REPS1: variants seen among roughly 807,000 people sequenced by gnomAD.
The protein encoded by REPS1 is RALBP1 associated Eps domain containing 1, also known as ralBP1-associated Eps domain-containing protein 1.
REPS1 carries 39 observed loss-of-function variants against 100.9 expected under a neutral mutation model. The observed-to-expected ratio is 0.39, with a 90% CI of 0.30 to 0.50. The LOEUF is 0.50. Ranked by LOEUF, REPS1 falls within the 20% of genes least tolerant of loss-of-function variation. The pLI is 0.86. For missense variants in REPS1, 821 were observed against 968.5 expected (o/e 0.85, Z 2.02); for synonymous variants, 324 against 340.3 (o/e 0.95, Z 0.53).
At chr6:138,914,831 A>C (rs1780246625) in intron 14 of REPS1, 70 bp from the exon 15 acceptor site, 1 of 1,243,144 alleles carries the variant, frequency 8.0e-7, no homozygotes, top group Non-Finnish European at 1.2e-6. Context: ...AAATAGGCTG[A>C]ATGAATGTGA....
At chr6:138,933,225 G>C (rs1781591679) in intron 8 of REPS1, among the ~76,000 whole-genome samples, 1 of 152,160 alleles carries the variant, frequency 6.6e-6, no homozygotes, top group African/African-American at 2.4e-5. Flanking sequence ...TATTGTGTGA[G>C]GCTAGATTTA....
chr6:138,957,641 G>T (rs898106360), intron 1 of REPS1, among the ~76,000 whole-genome samples: 1 of 152,128 alleles, frequency 6.6e-6, no homozygotes, highest in Non-Finnish European at 1.5e-5. Flanking sequence ...GGCCTACAGA[G>T]CAACCACTCC....
intron 1 of REPS1, among the ~76,000 whole-genome samples, chr6:138,953,165 T>A (rs530317653): frequency 5.2e-4 from 79 of 152,220 alleles, no homozygotes; most frequent in African/African-American, 1.8e-3. Context: ...ATTAGATGCC[T>A]ACCTCTCACC....
At chr6:138,969,859 A>ATTTTTTTTTTTTTTTTTT (rs56070030) in intron 1 of REPS1, among the ~76,000 whole-genome samples, 1 of 94,636 alleles carries the variant, frequency 1.1e-5, no homozygotes, top group Non-Finnish European at 1.9e-5. Context: ...GTGAATTGGG[A>ATTTTTTTTTTTTTTTTTT]TTTTTTTTTT....
chr6:138,937,968 A>G (rs1217028305), intron 8 of REPS1, among the ~76,000 whole-genome samples: 1 of 152,028 alleles, frequency 6.6e-6, no homozygotes, highest in East Asian at 1.9e-4. Context: ...ATTAAAATGT[A>G]GAGTACCTCA....
intron 14 of REPS1, among the ~76,000 whole-genome samples, chr6:138,915,431 T>C (rs1780300320): frequency 6.7e-6 from 1 of 149,438 alleles, no homozygotes; most frequent in African/African-American, 2.5e-5. Flanking sequence ...TGTCTTTTAA[T>C]CCAAAATTTT....
At chr6:138,969,859 ATTTTTTT>A (rs56070030) in intron 1 of REPS1, among the ~76,000 whole-genome samples, 25 of 94,636 alleles carry the variant, frequency 2.6e-4, no homozygotes, top group South Asian at 8.9e-4. Flanking sequence ...GTGAATTGGG[ATTTTTTT>A]TTTTTTTTTT....
rs975319235 is a variant in REPS1 at position 138,917,498 on chromosome 6, A to C, written c.1601+57T>G. 28 of 1,335,342 alleles carry C rather than the reference A, an allele frequency of 2.1e-5. No homozygotes were observed. The African/African-American group carries it at 3.3e-4, about 16-fold the overall frequency. 82.7% of individuals were successfully genotyped at this position (1,335,342 alleles called of 1,614,324 possible). A position where few individuals can be genotyped will look rare whatever the true frequency, so the allele number is the denominator to read the frequency against. On this transcript the variant is annotated intron_variant, in intron 13 of 19. Transcript: ENST00000450536. ...TTTGTGCTTGGTTCTAAATAGTTTT[A>C]AACATTAAAACGCAGCAAGATAGTT...
At chr6:138,955,212 G>A (rs1667646546) in intron 1 of REPS1, among the ~76,000 whole-genome samples, 1 of 152,034 alleles carries the variant, frequency 6.6e-6, no homozygotes, top group Admixed American at 6.6e-5. Flanking sequence ...TATTTTGGGA[G>A]GCTGAGGCAG....
At chr6:138,949,302 T>C (rs1247523903) in intron 1 of REPS1, among the ~76,000 whole-genome samples, 2 of 152,220 alleles carry the variant, frequency 1.3e-5, no homozygotes, top group African/African-American at 4.8e-5. Flanking sequence ...AAACAGAATC[T>C]CAATGCTGTT....
chr6:138,986,160 C>T (rs758115480), intron 1 of REPS1, among the ~76,000 whole-genome samples: 27 of 152,092 alleles, frequency 1.8e-4, no homozygotes, highest in Non-Finnish European at 4.0e-4. Flanking sequence ...GTTTTGTAAA[C>T]ACAAGAAGAA....
At chr6:138,911,421 T>C (rs1246084895) in intron 16 of REPS1, 50 bp from the exon 17 acceptor site, 8 of 1,126,616 alleles carry the variant, frequency 7.1e-6, no homozygotes, top group South Asian at 1.3e-5. Flanking sequence ...CATGTAATTA[T>C]GCATAAATAT....
intron 1 of REPS1, among the ~76,000 whole-genome samples, chr6:138,978,870 C>T (rs1784751622): frequency 6.6e-6 from 1 of 152,098 alleles, no homozygotes; most frequent in Non-Finnish European, 1.5e-5. Flanking sequence ...CCATGTTGTT[C>T]TTTCTTCCCC....
At position 138,954,348 on chromosome 6, in the gene REPS1, T is replaced by C. The variant is rs912593176; in HGVS notation, c.154-6435A>G. ...CTCCTAACACAAAGAAATGATAAAA[T>C]GTTTGAGATGATGGATATGCTACTT... On this transcript the variant is annotated intron_variant, in intron 1 of 19. Coordinates refer to ENST00000450536, the MANE Select transcript of REPS1 (RefSeq NM_001286611.2). 3.9e-5 allele frequency among the ~76,000 whole-genome samples: 6 copies of C among 152,044 alleles called. No homozygotes were observed. The East Asian group carries it at 5.8e-4, about 15-fold the overall frequency.
At chr6:138,941,295 T>A in intron 8 of REPS1, 40 bp downstream of exon 8, 1 of 1,602,622 alleles carries the variant, frequency 6.2e-7, no homozygotes, top group Non-Finnish European at 8.5e-7. Flanking sequence ...ATTATGTTTA[T>A]CAAGGCATGC....
At chr6:138,971,685 C>T (rs1269801935) in intron 1 of REPS1, among the ~76,000 whole-genome samples, 1 of 152,134 alleles carries the variant, frequency 6.6e-6, no homozygotes, top group African/African-American at 2.4e-5. Flanking sequence ...AGTCAGAGCT[C>T]AGAGAATTCT....
At chr6:138,922,335 AT>A (rs552645537) in intron 10 of REPS1, among the ~76,000 whole-genome samples, 4 of 151,902 alleles carry the variant, frequency 2.6e-5, no homozygotes, top group East Asian at 3.9e-4. Flanking sequence ...AAAGGAATCC[AT>A]TTTTTTTAAG....
chr6:138,938,786 G>A (rs988082500), intron 8 of REPS1, among the ~76,000 whole-genome samples: 1 of 151,908 alleles, frequency 6.6e-6, no homozygotes, highest in Non-Finnish European at 1.5e-5. Context: ...AATGTCAGCC[G>A]AAAGAAACTA....
chr6:138,934,629 T>G (rs1781689739), intron 8 of REPS1, among the ~76,000 whole-genome samples: 1 of 152,212 alleles, frequency 6.6e-6, no homozygotes, highest in Non-Finnish European at 1.5e-5. Context: ...CATCCTAAAT[T>G]TCTCTTATTT....
Sources: gnomAD v4.1 joint callset for allele counts (sites outside exome capture counted in the v4.1 genomes callset) on GRCh38, gnomAD v4.1.1 for gene constraint, MANE v1.5 for transcripts, NCBI Gene and HGNC (gene_info 2026-07-23, HGNC 2026-07-21) for gene names.